Variants in POC1B observed in about 807,000 individuals in gnomAD.
The protein encoded by POC1B is POC1 centriolar protein B, also known as POC1 centriolar protein homolog B.
Under a neutral mutation model 60.6 loss-of-function variants are expected in POC1B, and 44 were observed. The observed-to-expected ratio is 0.73, with a 90% CI of 0.57 to 0.93. POC1B has a LOEUF of 0.93. Ranked by LOEUF, POC1B falls within the 40% of genes least tolerant of loss-of-function variation. POC1B has a pLI of 0.00. For missense variants in POC1B, 555 were observed against 572.3 expected (o/e 0.97, Z 0.31); for synonymous variants, 180 against 198.9 (o/e 0.90, Z 0.80).
chr12:89,416,270 G>A (rs1880362745), downstream of POC1B, among the ~76,000 whole-genome samples: 1 of 152,130 alleles, frequency 6.6e-6, no homozygotes. Flanking sequence ...AAAGAATGAA[G>A]GGATACGCAA....
intron 10 of POC1B, among the ~76,000 whole-genome samples, chr12:89,454,127 G>A (rs1377770391): frequency 6.6e-6 from 1 of 152,170 alleles, no homozygotes; most frequent in Non-Finnish European, 1.5e-5. Context: ...ACAGAACACA[G>A]GAAAACCACG....
At chr12:89,525,798 T>C (rs1871426688) in intron 1 of POC1B, 83 bp downstream of exon 1, 2 of 1,378,734 alleles carry the variant, frequency 1.5e-6, no homozygotes, top group African/African-American at 3.0e-5. Context: ...TCCCTCCAGG[T>C]GCGGCTTCGG....
intron 10 of POC1B, among the ~76,000 whole-genome samples, chr12:89,438,315 G>C (rs1347284977): frequency 6.6e-6 from 1 of 152,072 alleles, no homozygotes; most frequent in African/African-American, 2.4e-5. Context: ...AAATTAGCTG[G>C]GTGCGGTGGC....
intron 4 of POC1B, among the ~76,000 whole-genome samples, chr12:89,489,818 A>T (rs937163): frequency 3.9e-5 from 6 of 151,950 alleles, no homozygotes; most frequent in Admixed American, 3.3e-4. Flanking sequence ...TGCCTAGAAC[A>T]TATGTTTGTA....
intron 11 of POC1B, among the ~76,000 whole-genome samples, 195 bp downstream of exon 11, chr12:89,424,966 T>TGC (rs1880698060): frequency 6.6e-6 from 1 of 152,202 alleles, no homozygotes; most frequent in Non-Finnish European, 1.5e-5. Flanking sequence ...TGTGTGTGTG[T>TGC]GCACGTGTGC....
At chr12:89,473,666 G>GAAA (rs1163868772) in intron 4 of POC1B, among the ~76,000 whole-genome samples, 14 of 109,174 alleles carry the variant, frequency 1.3e-4, no homozygotes, top group Admixed American at 3.5e-4. Flanking sequence ...CCTCAGAAAA[G>GAAA]AAAAAAAAAA....
chr12:89,445,129 A>T (rs971946018), intron 10 of POC1B, among the ~76,000 whole-genome samples: 1 of 152,240 alleles, frequency 6.6e-6, no homozygotes, highest in African/African-American at 2.4e-5. Flanking sequence ...ATGGAAGAAC[A>T]TTCCATGCTC....
intron 10 of POC1B, among the ~76,000 whole-genome samples, chr12:89,431,977 CT>C (rs1293393216): frequency 1.3e-5 from 2 of 152,184 alleles, no homozygotes; most frequent in African/African-American, 4.8e-5. Flanking sequence ...ACTCCAATAA[CT>C]GCTTTAATTG....
At chr12:89,440,275 A>G (rs539626475) in intron 10 of POC1B, among the ~76,000 whole-genome samples, 1 of 152,312 alleles carries the variant, frequency 6.6e-6, no homozygotes, top group South Asian at 2.1e-4. Flanking sequence ...CTGCAGAGAT[A>G]TGGACAGAAG....
chr12:89,409,422 C>T, the POC1B span, among the ~76,000 whole-genome samples: 1 of 152,252 alleles, frequency 6.6e-6, no homozygotes, highest in South Asian at 2.1e-4. Flanking sequence ...TATCAAAGAT[C>T]AGATGGTTGT....
At chr12:89,524,941 C>G (rs898549540) in intron 2 of POC1B, 179 bp downstream of exon 2, 6 of 993,286 alleles carry the variant, frequency 6.0e-6, no homozygotes, top group Non-Finnish European at 8.7e-6. Context: ...GGCTGGGGGC[C>G]GGGATGGCAG....
intron 10 of POC1B, 78 bp downstream of exon 10, chr12:89,459,560 T>G: frequency 2.3e-6 from 2 of 857,434 alleles, no homozygotes; most frequent in South Asian, 3.2e-5. Flanking sequence ...CCCCCAACAT[T>G]TTTTAAAGGA....
chr12:89,444,511 A>G (rs192916690), intron 10 of POC1B, among the ~76,000 whole-genome samples: 2 of 152,344 alleles, frequency 1.3e-5, no homozygotes, highest in East Asian at 3.9e-4. Flanking sequence ...AAACCACACA[A>G]TTATCTCAAT....
chr12:89,497,119 C>T, intron 3 of POC1B, 52 bp downstream of exon 3: 1 of 1,564,936 alleles, frequency 6.4e-7, no homozygotes, highest in Non-Finnish European at 8.7e-7. Flanking sequence ...GGTCAGCTTT[C>T]TTTCACATTT....
chr12:89,495,119 T>G (rs1164519374), intron 3 of POC1B, among the ~76,000 whole-genome samples: 1 of 152,212 alleles, frequency 6.6e-6, no homozygotes, highest in Non-Finnish European at 1.5e-5. Context: ...AAAGAGAAAC[T>G]AGGGACACCT....
intron 10 of POC1B, among the ~76,000 whole-genome samples, chr12:89,446,304 CAT>C (rs1264826096): frequency 1.3e-5 from 2 of 152,194 alleles, no homozygotes; most frequent in African/African-American, 2.4e-5. Context: ...CACATGCACA[CAT>C]ATGTTTATTG....
intron 2 of POC1B, chr12:89,519,734 T>C (rs1446887154): frequency 1.3e-5 from 2 of 152,582 alleles, no homozygotes; most frequent in Non-Finnish European, 2.9e-5. Context: ...AACTTACTAA[T>C]GGGTAAGTAA....
intron 4 of POC1B, among the ~76,000 whole-genome samples, chr12:89,483,692 G>GA (rs1457847493): frequency 6.6e-6 from 1 of 152,060 alleles, no homozygotes; most frequent in Non-Finnish European, 1.5e-5. Context: ...AGCACTAAAA[G>GA]AAAAAATTAT....
At chr12:89,495,890 T>G (rs1467947593) in intron 3 of POC1B, among the ~76,000 whole-genome samples, 1 of 151,898 alleles carries the variant, frequency 6.6e-6, no homozygotes, top group East Asian at 1.9e-4. Context: ...GCCTCCCGAG[T>G]AGCTGGGATT....
Sources: allele counts gnomAD v4.1 joint callset (sites outside exome capture counted in the v4.1 genomes callset), GRCh38; gene constraint gnomAD v4.1.1; transcripts MANE v1.5; gene names NCBI Gene and HGNC (gene_info 2026-07-23, HGNC 2026-07-21).